EXO1: variants seen among roughly 807,000 people sequenced by gnomAD.
The protein encoded by EXO1 is exonuclease 1.
In EXO1, 69 loss-of-function variants were observed where a neutral mutation model predicts 84.5. That is an observed-to-expected ratio of 0.82 (90% CI 0.67 to 1.00). EXO1 has a LOEUF of 1.00. Ranked by LOEUF, EXO1 falls within the 50% of genes least tolerant of loss-of-function variation. EXO1 has a pLI of 0.00. For synonymous variants in EXO1, 373 were observed against 366.1 expected (o/e 1.02, Z -0.21); for missense variants, 1,045 against 1,000.7 (o/e 1.04, Z -0.60).
chr1:241,885,581 C>T (rs771322846), intron 15 of EXO1, 74 bp downstream of exon 15: 22 of 1,128,970 alleles, frequency 1.9e-5, no homozygotes, highest in Non-Finnish European at 2.8e-5. Context: ...TTTCTCCCAA[C>T]TCTTCCTAGT....
In EXO1 at chr1:241,861,440, C is replaced by A; in HGVS notation, c.979C>A (p.Leu327Ile). 6.3e-7 allele frequency: 1 copy of A among 1,584,764 alleles called. No homozygotes were observed. Among genetic ancestry groups the A allele is most frequent in the African/African-American group, 1.3e-5 (1 of 74,430 alleles). Residue 327 changes from leucine to isoleucine, a missense_variant, in exon 10 of 16, where the codon CTT becomes ATT. Transcript: ENST00000366548. The stretch of plus-strand genomic sequence containing the variant: ...TGATTCCATAGCTCTTCAAATAGCA[C>A]TTGGAAATAAAGATATAAATACTTT... ...VDDSIALQIA[L>I]GNKDINTFEQ... is the part of the protein sequence containing the mutation.
chr1:241,852,399 G>A lies in EXO1; in HGVS notation c.269G>A (p.Arg90Lys). 2 of 1,597,130 alleles carry A rather than the reference G, an allele frequency of 1.3e-6. No homozygotes were observed. The change falls in exon 5 of 16, where the codon AGA becomes AAA. Residue 90 changes from arginine to lysine, a missense_variant. Arg to Lys is a conservative substitution (Grantham distance 26, BLOSUM62 2). Transcript: ENST00000366548. ...CTLPSKKEVERSRRERRQANL... is the reference protein window; with the variant it reads ...CTLPSKKEVEKSRRERRQANL... ...TTACCTTCTAAAAAGGAAGTAGAGA[G>A]ATCTAGAAGAGAGTAAGTTAATTCT...
intron 12 of EXO1, among the ~76,000 whole-genome samples, chr1:241,873,257 C>G (rs943197250): frequency 1.3e-5 from 2 of 152,138 alleles, no homozygotes; most frequent in Admixed American, 1.3e-4. Flanking sequence ...TTGCATTTCT[C>G]TAATGGCCAG....
rs769119452 is a variant in EXO1 at position 241,879,267 on chromosome 1, A to C, written c.2033A>C (p.Glu678Ala). ...GAGGCATGTTCTTCACAGTCCCAGGAAAGTGGAGAATTCTCACTGCAGAGT... is the reference window on the plus strand; with the variant it reads ...GAGGCATGTTCTTCACAGTCCCAGGCAAGTGGAGAATTCTCACTGCAGAGT... ...REEACSSQSQ[E>A]SGEFSLQSSN... Residue 678 changes from glutamate to alanine, a missense_variant, in exon 13 of 16, where the codon GAA becomes GCA. Coordinates refer to ENST00000366548, the MANE Select transcript of EXO1 (RefSeq NM_130398.4). 1 of 1,601,716 alleles carries C rather than the reference A, an allele frequency of 6.2e-7. No individual in the cohort carries two copies. The highest frequency in any genetic ancestry group is 8.5e-7 in the Non-Finnish European group (1 of 1,176,282).
chr1:241,855,014 G>A (rs181254801), intron 6 of EXO1, among the ~76,000 whole-genome samples: 17 of 152,284 alleles, frequency 1.1e-4, no homozygotes, highest in South Asian at 2.1e-4. Context: ...AGACCTTTGC[G>A]GTGAGTGTTA....
At chr1:241,850,193 A>G (rs1456647511) in intron 3 of EXO1, among the ~76,000 whole-genome samples, 1 of 151,790 alleles carries the variant, frequency 6.6e-6, no homozygotes, top group Non-Finnish European at 1.5e-5. Flanking sequence ...AGGCAGGAGA[A>G]TGGCGTGAAC....
intron 6 of EXO1, among the ~76,000 whole-genome samples, chr1:241,855,905 A>G (rs1660997454): frequency 6.6e-6 from 1 of 152,060 alleles, no homozygotes; most frequent in African/African-American, 2.4e-5. Context: ...CCCACCCGGA[A>G]CTCCAGCTGG....
At chr1:241,852,904 G>A (rs1249155274) in intron 5 of EXO1, among the ~76,000 whole-genome samples, 5 of 152,006 alleles carry the variant, frequency 3.3e-5, no homozygotes, top group African/African-American at 7.2e-5. Flanking sequence ...TGATCTGCCC[G>A]CCTCAGCCTC....
rs1277792665 is a variant in EXO1 at position 241,860,530 on chromosome 1, T to C, written c.770T>C (p.Ile257Thr). The change falls in exon 9 of 16, where the codon ATT becomes ACT. Residue 257 changes from isoleucine (I) to threonine (T), a missense_variant. By Grantham distance (89) the Ile-to-Thr change is moderately conservative. Coordinates refer to ENST00000366548, the MANE Select transcript of EXO1 (RefSeq NM_130398.4). ...NPDIVKVIKK[I>T]GHYLKMNITV... ...ATGCATTGTTAGGTTATCAAGAAAATTGGACATTATCTCAAGATGAATATC... is the reference window on the plus strand; with the variant it reads ...ATGCATTGTTAGGTTATCAAGAAAACTGGACATTATCTCAAGATGAATATC... 4 of 1,613,416 alleles carry C rather than the reference T, an allele frequency of 2.5e-6. No homozygotes were observed. Among genetic ancestry groups the C allele is most frequent in the African/African-American group, 1.3e-5 (1 of 74,922 alleles).
intron 11 of EXO1, among the ~76,000 whole-genome samples, chr1:241,871,027 T>A (rs531496151): frequency 2.1e-3 from 315 of 152,284 alleles, no homozygotes; most frequent in African/African-American, 7.3e-3. Flanking sequence ...TGCCAAATTC[T>A]AGATATGCTT....
At chr1:241,859,329 A>T (rs1028422891) in intron 8 of EXO1, among the ~76,000 whole-genome samples, 2 of 152,192 alleles carry the variant, frequency 1.3e-5, no homozygotes, top group African/African-American at 4.8e-5. Context: ...GTGTTCGTAT[A>T]CAAGTTGAAC....
Position 241,853,457 on chromosome 1 carries a change from T to C in EXO1, c.381T>C (p.His127=). 1 of 1,614,026 alleles carries C rather than the reference T, an allele frequency of 6.2e-7. No homozygotes were observed. The highest frequency in any genetic ancestry group is 8.5e-7 in the Non-Finnish European group (1 of 1,180,000). ...ECFTRSINIT[H]AMAHKVIKAA... is the part of the protein sequence containing the mutation. ...TCACCCGGTCTATCAATATCACACA[T>C]GCCATGGCCCACAAAGTAATTAAAG... is the stretch of plus-strand genomic sequence containing the variant. The change falls in exon 6 of 16, where the codon CAT becomes CAC. Residue 127 remains histidine (H), a synonymous_variant. Coordinates refer to ENST00000366548, the MANE Select transcript of EXO1 (RefSeq NM_130398.4).
At chr1:241,888,228 C>T (rs559916332) in intron 15 of EXO1, among the ~76,000 whole-genome samples, 17 of 151,944 alleles carry the variant, frequency 1.1e-4, no homozygotes, top group East Asian at 1.9e-4. Flanking sequence ...TGCAACAGAA[C>T]GAGACCTTGT....
chr1:241,860,745 T>G (rs1661336531), intron 9 of EXO1, 41 bp downstream of exon 9: 1 of 1,522,946 alleles, frequency 6.6e-7, no homozygotes, highest in African/African-American at 1.4e-5. Flanking sequence ...TGTGCATTTT[T>G]CTTCAATATT....
chr1:241,881,860 A>T (rs1662773320), intron 13 of EXO1, 56 bp from the exon 14 acceptor site: 1 of 864,478 alleles, frequency 1.2e-6, no homozygotes, highest in Non-Finnish European at 1.9e-6. Context: ...TTGTTGTCAT[A>T]AAAATTCTAC....
Position 241,874,060 on chromosome 1 carries a change from G to A in EXO1, c.1514+1782G>A, listed in dbSNP as rs559215886. Among the ~76,000 whole-genome samples, 40 of 152,310 alleles carry A rather than the reference G, an allele frequency of 2.6e-4. 1 individual carries two copies. The highest frequency in any genetic ancestry group is 8.9e-4 in the African/African-American group (37 of 41,578). On this transcript the variant is annotated intron_variant, in intron 12 of 15. Transcript: ENST00000366548. ...GCAGGAGACCATTCACTGAAGGCTT[G>A]TATGCCAACGTGGGAACTTTTAGTC...
At position 241,889,874 on chromosome 1, in the gene EXO1, A is replaced by G; in HGVS notation, c.*274A>G. ...ATTGGGAAAATCCTCTGGAGTTTAT[A>G]AAAGTCTACTCTAAATATTTCTGTA... On this transcript the variant is annotated 3_prime_UTR_variant, in exon 16 of 16. Coordinates refer to ENST00000366548, the MANE Select transcript of EXO1 (RefSeq NM_130398.4). 1 of 429,150 alleles carries G rather than the reference A, an allele frequency of 2.3e-6. No individual in the cohort carries two copies. The highest frequency in any genetic ancestry group is 4.3e-6 in the Non-Finnish European group (1 of 234,590). The allele number at this position is 429,150 out of a possible 1,614,324, so 26.6% of individuals were successfully genotyped here.
chr1:241,869,332 C>T (rs936717520), intron 11 of EXO1, among the ~76,000 whole-genome samples: 4 of 152,092 alleles, frequency 2.6e-5, no homozygotes, highest in African/African-American at 9.7e-5. Flanking sequence ...ATCTGTAGTA[C>T]AATATTGAAC....
Position 241,857,407 on chromosome 1 carries a change from C to T in EXO1, c.468C>T (p.Ala156=), listed in dbSNP as rs1661120222. Reference sequence around the variant, plus strand: ...CCTATGAAGCTGATGCGCAGTTGGCCTATCTTAACAAAGCGGGAATTGTGC... The same window carrying T: ...CCTATGAAGCTGATGCGCAGTTGGCTTATCTTAACAAAGCGGGAATTGTGC... ...VAPYEADAQL[A]YLNKAGIVQA... The change falls in exon 7 of 16, where the codon GCC becomes GCT. Residue 156 remains alanine (A), a synonymous_variant. Coordinates refer to ENST00000366548, the MANE Select transcript of EXO1 (RefSeq NM_130398.4). 3 of 1,613,810 alleles carry T rather than the reference C, an allele frequency of 1.9e-6. No individual in the cohort carries two copies. Among genetic ancestry groups the T allele is most frequent in the South Asian group, 2.2e-5 (2 of 91,070 alleles).
Sources: gnomAD v4.1 joint callset for allele counts (sites outside exome capture counted in the v4.1 genomes callset) on GRCh38, gnomAD v4.1.1 for gene constraint, MANE v1.5 for transcripts, NCBI Gene and HGNC (gene_info 2026-07-23, HGNC 2026-07-21) for gene names.